The following ROBO2 variants were observed in gnomAD, a reference collection of about 807,000 sequenced individuals.
ROBO2 encodes the protein roundabout guidance receptor 2, also known as roundabout homolog 2.
A neutral mutation model predicts 160.8 loss-of-function variants in ROBO2; 53 were observed. That is an observed-to-expected ratio of 0.33 (90% CI 0.26 to 0.41). ROBO2 has a LOEUF of 0.41. Ranked by LOEUF, ROBO2 falls within the 10% of genes least tolerant of loss-of-function variation. The pLI, the probability that ROBO2 is intolerant of heterozygous loss-of-function variation, is 1.00. For synonymous variants in ROBO2, 664 were observed against 611.7 expected, an observed-to-expected ratio of 1.09 and a Z score of -1.26; for missense variants, 1,577 against 1,722.4, an observed-to-expected ratio of 0.92 and a Z score of 1.49.
intron 2 of ROBO2, among the ~76,000 whole-genome samples, chr3:76,334,375 T>A (rs1435529305): frequency 6.6e-6 from 1 of 152,186 alleles, no homozygotes; most frequent in Admixed American, 6.5e-5. Flanking sequence ...GTATATTTGT[T>A]GAACAAATTA....
rs375889132 is a variant in ROBO2, at chr3:76,537,521, G to A, written c.110-560493G>A. ...GGTAGCGAGAGAGGCTGGAGAAGAG[G>A]GTGAAAAAGACCACTTACCCGATTT... On this transcript the variant is annotated intron_variant, in intron 2 of 26. Transcript: ENST00000487694. 2.9e-4 allele frequency among the ~76,000 whole-genome samples: 44 copies of A among 152,124 alleles called. 2 individuals carry two copies. The highest frequency in any genetic ancestry group is 2.7e-3 in the South Asian group (13 of 4,820).
chr3:77,162,417 A>C (rs1179464634), intron 2 of ROBO2, among the ~76,000 whole-genome samples: 3 of 152,202 alleles, frequency 2.0e-5, no homozygotes, highest in Non-Finnish European at 4.4e-5. Context: ...ATGAACATGA[A>C]GGTATCGTGC....
chr3:76,426,112 T>A (rs1335550636), intron 2 of ROBO2, among the ~76,000 whole-genome samples: 1 of 152,176 alleles, frequency 6.6e-6, no homozygotes, highest in East Asian at 1.9e-4. Context: ...AAAGTTTCAA[T>A]GTGGATGAAG....
intron 2 of ROBO2, among the ~76,000 whole-genome samples, chr3:76,532,013 C>T (rs2082256715): frequency 2.6e-5 from 4 of 152,130 alleles, no homozygotes; most frequent in African/African-American, 4.8e-5. Context: ...TTCTTTTCAA[C>T]ACCAGAACCT....
At chr3:76,056,382 G>C (rs2107844462) in intron 2 of ROBO2, among the ~76,000 whole-genome samples, 1 of 152,070 alleles carries the variant, frequency 6.6e-6, no homozygotes, top group East Asian at 1.9e-4. Flanking sequence ...TACTAACCCT[G>C]CTTATAAAAC....
At chr3:77,161,539 C>G (rs1379145406) in intron 2 of ROBO2, among the ~76,000 whole-genome samples, 2 of 152,110 alleles carry the variant, frequency 1.3e-5, no homozygotes, top group African/African-American at 4.8e-5. Context: ...TTTGCATAAC[C>G]TGAAGAGAGT....
chr3:76,644,517 A>G (rs1439282109), intron 2 of ROBO2, among the ~76,000 whole-genome samples: 1 of 152,068 alleles, frequency 6.6e-6, no homozygotes, highest in African/African-American at 2.4e-5. Context: ...ACAGCCACTC[A>G]CAAAGCATCA....
At chr3:76,990,922 C>A (rs1377291196) in intron 2 of ROBO2, among the ~76,000 whole-genome samples, 1 of 152,124 alleles carries the variant, frequency 6.6e-6, no homozygotes, top group Non-Finnish European at 1.5e-5. Flanking sequence ...CTCCCAAGTG[C>A]TGGCGGGCCA....
At chr3:76,207,704 T>G (rs966418845) in intron 2 of ROBO2, among the ~76,000 whole-genome samples, 2 of 152,186 alleles carry the variant, frequency 1.3e-5, no homozygotes, top group African/African-American at 4.8e-5. Context: ...AAATATGAAT[T>G]TGTGCTGTAA....
chr3:76,462,193 G>A (rs2078122571), intron 2 of ROBO2, among the ~76,000 whole-genome samples: 1 of 152,072 alleles, frequency 6.6e-6, no homozygotes, highest in Admixed American at 6.5e-5. Flanking sequence ...TAAGTACAAT[G>A]CAAAAGCATA....
At chr3:77,461,733 CT>C (rs11436957) in intron 2 of ROBO2, among the ~76,000 whole-genome samples, 1,695 of 145,318 alleles carry the variant, frequency 0.012, 22 homozygotes, top group African/African-American at 0.03. Context: ...TCTTGATGTA[CT>C]TTTTTTTTTT....
intron 2 of ROBO2, among the ~76,000 whole-genome samples, chr3:76,471,417 T>C (rs2078649499): frequency 6.6e-6 from 1 of 152,152 alleles, no homozygotes; most frequent in Admixed American, 6.6e-5. Context: ...GAATTACTCA[T>C]AAACTACAAG....
chr3:77,083,165 GT>G (rs1171476850), intron 1 of ROBO2, among the ~76,000 whole-genome samples: 4 of 152,144 alleles, frequency 2.6e-5, no homozygotes, highest in Non-Finnish European at 5.9e-5. Flanking sequence ...AATATAGTAA[GT>G]GATGTTCTGG....
intron 24 of ROBO2, among the ~76,000 whole-genome samples, chr3:77,638,553 A>G (rs751429775): frequency 6.6e-6 from 1 of 152,060 alleles, no homozygotes; most frequent in Non-Finnish European, 1.5e-5. Context: ...CCCATAAGAG[A>G]GATTATGAAT....
chr3:77,264,068 G>A (rs886263940), intron 2 of ROBO2, among the ~76,000 whole-genome samples: 2 of 152,000 alleles, frequency 1.3e-5, no homozygotes, highest in African/African-American at 2.4e-5. Flanking sequence ...CACCATCATC[G>A]TTATCAAGTT....
intron 2 of ROBO2, among the ~76,000 whole-genome samples, chr3:76,730,233 C>T (rs1296207364): frequency 2.4e-5 from 3 of 122,606 alleles, no homozygotes; most frequent in East Asian, 2.6e-4. Context: ...CCCACCTCTC[C>T]TCACCTCCTA....
intron 2 of ROBO2, among the ~76,000 whole-genome samples, chr3:76,702,821 G>A (rs1050721111): frequency 2.0e-5 from 3 of 152,036 alleles, no homozygotes; most frequent in Admixed American, 6.6e-5. Context: ...TGCTAGATTC[G>A]AGAAGGTAAG....
intron 2 of ROBO2, among the ~76,000 whole-genome samples, chr3:76,468,359 T>C (rs577309299): frequency 1.3e-5 from 2 of 152,122 alleles, no homozygotes; most frequent in South Asian, 2.1e-4. Context: ...CTCCTGTTTA[T>C]TCGTTGCCTC....
At chr3:77,193,259 T>G (rs2082023263) in intron 2 of ROBO2, among the ~76,000 whole-genome samples, 1 of 149,844 alleles carries the variant, frequency 6.7e-6, no homozygotes, top group African/African-American at 2.4e-5. Flanking sequence ...CCTACCAAGA[T>G]GGTCAACAGA....
Sources: allele counts gnomAD v4.1 joint callset (sites outside exome capture counted in the v4.1 genomes callset), GRCh38; gene constraint gnomAD v4.1.1; transcripts MANE v1.5; gene names NCBI Gene and HGNC (gene_info 2026-07-23, HGNC 2026-07-21).